CHD2: variants seen among roughly 807,000 people sequenced by gnomAD.
CHD2 encodes chromodomain helicase DNA binding protein 2.
Under a neutral mutation model 243.9 loss-of-function variants are expected in CHD2, and 28 were observed. The observed-to-expected ratio is 0.11, with a 90% CI of 0.09 to 0.16. The LOEUF (loss-of-function observed/expected upper bound fraction) is 0.16, where lower values mean the gene tolerates loss of function less well. Ranked by LOEUF, CHD2 falls within the 10% of genes least tolerant of loss-of-function variation. The probability of loss-of-function intolerance (pLI) is 1.00; values close to 1 mark genes in which losing one functional copy is unlikely to be tolerated. For synonymous variants in CHD2, 775 were observed against 779.0 expected (o/e 0.99, Z 0.09); for missense variants, 1,386 against 2,209.8 (o/e 0.63, Z 7.47).
At position 92,946,143 on chromosome 15, in the gene CHD2, A is replaced by G. The variant is rs548171545; in HGVS notation, c.1304A>G (p.Lys435Arg). Residue 435 changes from lysine to arginine, a missense_variant, in exon 12 of 39, where the codon AAG (lysine) becomes AGG (arginine). Lys to Arg is a conservative substitution (Grantham distance 26). Coordinates refer to ENST00000394196, the MANE Select transcript of CHD2 (RefSeq NM_001271.4). The stretch of plus-strand genomic sequence containing the variant: ...TGGGAAGATGAAGCCCTCATTGGAA[A>G]GAAATTCCAGAATTGCATTGACAGC... Reference protein sequence around the residue: ...CSWEDEALIGKKFQNCIDSFH... With the variant: ...CSWEDEALIGRKFQNCIDSFH... 3 of 1,613,906 alleles carry G rather than the reference A, an allele frequency of 1.9e-6. No individual in the cohort carries two copies. The highest frequency in any genetic ancestry group is 1.3e-5 in the African/African-American group (1 of 75,050).
chr15:92,946,952 G>T (rs978946070), intron 12 of CHD2: 2 of 151,196 alleles, frequency 1.3e-5, no homozygotes, highest in Admixed American at 1.3e-4. Flanking sequence ...AAAAAATAGA[G>T]AGCGGGAAGT....
rs1491337436 is a variant in CHD2, at chr15:92,906,662, A to AT, written c.62+5364dup. On this transcript the variant is annotated intron_variant, in intron 2 of 38. Coordinates refer to ENST00000394196, the MANE Select transcript of CHD2 (RefSeq NM_001271.4). ...ATTAAATTTTTTCTTGCTATGAGCC[A>AT]TCTTTTTTTTTTTTTTTTTTTTAAG... 1.0e-3 allele frequency among the ~76,000 whole-genome samples: 108 copies of AT among 103,270 alleles called. 1 individual carries two copies. In the East Asian group the frequency reaches 0.037, roughly 35 times the overall value. 67.7% of individuals were successfully genotyped at this position (103,270 alleles called of 152,430 possible).
chr15:93,017,803 A>C (rs1475077838), intron 37 of CHD2, among the ~76,000 whole-genome samples: 1 of 152,222 alleles, frequency 6.6e-6, no homozygotes, highest in Non-Finnish European at 1.5e-5. Context: ...AGGGAAAGAA[A>C]GCTAATGATT....
At chr15:92,965,637 C>T (rs2053752038) in intron 16 of CHD2, among the ~76,000 whole-genome samples, 1 of 149,460 alleles carries the variant, frequency 6.7e-6, no homozygotes, top group African/African-American at 2.5e-5. Flanking sequence ...GTTCATAGCC[C>T]ACACAGTCAT....
intron 2 of CHD2, chr15:92,905,093 T>A: frequency 8.3e-7 from 1 of 1,203,164 alleles, no homozygotes; most frequent in Non-Finnish European, 1.2e-6. Context: ...TCAATAACAT[T>A]AAAAAGTGGC....
rs560317096 is a variant in CHD2 at position 93,014,794 on chromosome 15, C to G, written c.4791C>G (p.Thr1597=). The change falls in exon 37 of 39, where the codon ACC becomes ACG. Residue 1597 remains threonine (T), a synonymous_variant. Coordinates refer to ENST00000394196, the MANE Select transcript of CHD2 (RefSeq NM_001271.4). ...SRDSLISQSH[T]SHNLHPQKPH... ...ACTCTCTGATATCTCAGTCCCATACCTCACACAACCTTCACCCTCAGAAGC... is the reference window on the plus strand; with the variant it reads ...ACTCTCTGATATCTCAGTCCCATACGTCACACAACCTTCACCCTCAGAAGC... 1 of 1,614,144 alleles carries G rather than the reference C, an allele frequency of 6.2e-7. No homozygotes were observed. The highest frequency in any genetic ancestry group is 1.1e-5 in the South Asian group (1 of 91,082).
At chr15:93,001,602 C>T (rs2054257481) in intron 32 of CHD2, among the ~76,000 whole-genome samples, 1 of 152,034 alleles carries the variant, frequency 6.6e-6, no homozygotes, top group Non-Finnish European at 1.5e-5. Context: ...CAGCAGCTTC[C>T]ACCTCCTGGG....
At chr15:92,927,175 C>T in intron 3 of CHD2, 69 bp from the exon 4 acceptor site, 1 of 1,112,152 alleles carries the variant, frequency 9.0e-7, no homozygotes, top group South Asian at 1.4e-5. Context: ...TCTTCAATTG[C>T]AATAAACGTT....
chr15:92,953,045 C>T (rs561681580), intron 13 of CHD2, among the ~76,000 whole-genome samples: 1 of 152,296 alleles, frequency 6.6e-6, no homozygotes, highest in East Asian at 1.9e-4. Flanking sequence ...TTTACAAAGC[C>T]TGTCTTCTCT....
At position 93,012,464 on chromosome 15, in the gene CHD2, C is replaced by T. The variant is rs1221163653; in HGVS notation, c.4692+20C>T. 2 of 1,497,746 alleles carry T rather than the reference C, an allele frequency of 1.3e-6. No individual in the cohort carries two copies. The highest frequency in any genetic ancestry group is 1.8e-6 in the Non-Finnish European group (2 of 1,099,450). 92.8% of individuals were successfully genotyped at this position (1,497,746 alleles called of 1,614,324 possible). A position where few individuals can be genotyped will look rare whatever the true frequency, so the allele number is the denominator to read the frequency against. The stretch of plus-strand genomic sequence containing the variant: ...GAAGAGGTAAAGTACAAATTCAGTC[C>T]TAATTCATACAAACAAATACCAATT... On this transcript the variant is annotated intron_variant, in intron 36 of 38. Coordinates refer to ENST00000394196, the MANE Select transcript of CHD2 (RefSeq NM_001271.4).
chr15:92,971,883 C>T lies in CHD2; in HGVS notation c.2308C>T (p.Pro770Ser), dbSNP rs1064794433. The T allele has an allele frequency of 6.2e-7, 1 of 1,613,182 alleles. No individual in the cohort carries two copies. Among genetic ancestry groups the T allele is most frequent in the Non-Finnish European group, 8.5e-7 (1 of 1,179,680 alleles). Residue 770 changes from proline (P) to serine (S), a missense_variant, in exon 18 of 39, where the codon CCC becomes TCC. Pro to Ser is a moderately conservative substitution (Grantham distance 74, BLOSUM62 -1). Coordinates refer to ENST00000394196, the MANE Select transcript of CHD2 (RefSeq NM_001271.4). ...TTGCAACCACTGCTATCTGATTAAA[C>T]CCCCTGAAGAAAATGAAAGGGAAAA... ...KCCNHCYLIKPPEENERENGQ... is the reference protein window; with the variant it reads ...KCCNHCYLIKSPEENERENGQ...
At chr15:92,976,063 T>C (rs1043913279) in intron 20 of CHD2, among the ~76,000 whole-genome samples, 1 of 152,218 alleles carries the variant, frequency 6.6e-6, no homozygotes, top group Non-Finnish European at 1.5e-5. Flanking sequence ...CATTGCCCAG[T>C]GCATAGTAAG....
chr15:92,956,759 G>C (rs1453314754), intron 16 of CHD2, 110 bp downstream of exon 16: 13 of 1,032,326 alleles, frequency 1.3e-5, no homozygotes, highest in Admixed American at 2.7e-5. Flanking sequence ...TTTGGGGAAA[G>C]CAAAGCGTCA....
chr15:92,924,144 G>T, intron 2 of CHD2, 177 bp from the exon 3 acceptor site: 1 of 537,386 alleles, frequency 1.9e-6, no homozygotes, highest in Non-Finnish European at 3.3e-6. Flanking sequence ...TGGGGATTTT[G>T]AGAATGGTAG....
At chr15:92,905,137 G>A (rs2052596560) in intron 2 of CHD2, 2 of 759,518 alleles carry the variant, frequency 2.6e-6, no homozygotes, top group African/African-American at 3.6e-5. Flanking sequence ...TACTATGTAA[G>A]TAAATGTCAG....
At chr15:92,945,717 A>T (rs1366383747) in intron 10 of CHD2, 104 bp from the exon 11 acceptor site, 48 of 638,384 alleles carry the variant, frequency 7.5e-5, no homozygotes, top group Non-Finnish European at 1.3e-5. Flanking sequence ...TTCTTTTTTA[A>T]GGTGTGAGGT....
chr15:92,997,432 C>A lies in CHD2; in HGVS notation c.3885+29C>A. The A allele has an allele frequency of 6.6e-7, 1 of 1,514,112 alleles. No homozygotes were observed. Among genetic ancestry groups the A allele is most frequent in the Non-Finnish European group, 8.8e-7 (1 of 1,133,974 alleles). The allele number at this position is 1,514,112 out of a possible 1,614,324, so 93.8% of individuals were successfully genotyped here. The stretch of plus-strand genomic sequence containing the variant: ...AGTAACCCTACCATGCTAGAGATTT[C>A]TAGAAGATTTGTTGTGTAATATTTT... On this transcript the variant is annotated intron_variant, in intron 30 of 38. Coordinates refer to ENST00000394196, the MANE Select transcript of CHD2 (RefSeq NM_001271.4). This position sits in a 1 kb window ranked among gnomAD's most constrained non-coding sequence, Gnocchi z 4.1.
chr15:92,996,700 C>G (rs941646471), intron 28 of CHD2, among the ~76,000 whole-genome samples: 1 of 151,978 alleles, frequency 6.6e-6, no homozygotes, highest in African/African-American at 2.4e-5. Context: ...TAGTATAAAA[C>G]AAGCAGGAAG....
chr15:92,962,964 C>T (rs1335151896), intron 16 of CHD2, among the ~76,000 whole-genome samples: 1 of 152,166 alleles, frequency 6.6e-6, no homozygotes, highest in Non-Finnish European at 1.5e-5. Flanking sequence ...CAGCTCTCTT[C>T]TGATTCCTGT....
Sources: gnomAD v4.1 joint callset for allele counts (sites outside exome capture counted in the v4.1 genomes callset) on GRCh38, gnomAD v4.1.1 for gene constraint, Gnocchi (gnomAD v3.1) non-coding constraint, MANE v1.5 for transcripts, NCBI Gene and HGNC (gene_info 2026-07-23, HGNC 2026-07-21) for gene names.